The following PREX2 variants were observed in gnomAD, a reference collection of about 807,000 sequenced individuals.
The protein encoded by PREX2 is phosphatidylinositol-3,4,5-trisphosphate dependent Rac exchange factor 2.
In PREX2, 107 loss-of-function variants were observed where a neutral mutation model predicts 203.2. That is an observed-to-expected ratio of 0.53 (90% CI 0.45 to 0.62). The LOEUF is 0.62. Ranked by LOEUF, PREX2 falls within the 20% of genes least tolerant of loss-of-function variation. The probability of loss-of-function intolerance (pLI) is 0.00; values close to 1 mark genes in which losing one functional copy is unlikely to be tolerated. For missense variants in PREX2, 1,777 were observed against 1,955.9 expected (o/e 0.91, Z 1.72); for synonymous variants, 672 against 663.6 (o/e 1.01, Z -0.19).
intron 15 of PREX2, among the ~76,000 whole-genome samples, chr8:68,078,845 A>C (rs1809429566): frequency 6.6e-6 from 1 of 152,194 alleles, no homozygotes; most frequent in Non-Finnish European, 1.5e-5. Context: ...TAAAATATTG[A>C]GTTACATCAA....
At chr8:68,009,348 C>A (rs574328138) in intron 1 of PREX2, among the ~76,000 whole-genome samples, 9 of 152,312 alleles carry the variant, frequency 5.9e-5, no homozygotes, top group Admixed American at 2.0e-4. Flanking sequence ...TTCCCACTTA[C>A]CCTTTTCTTT....
Position 68,118,827 on chromosome 8 carries a change from T to G in PREX2, c.3421+183T>G, listed in dbSNP as rs1337365496. ...GATAGTCTATTTCCCAATCCCATTT[T>G]AAAGGGAGTGAGTTAAAAAGCAATG... On this transcript the variant is annotated intron_variant, in intron 27 of 39. Coordinates refer to ENST00000288368, the MANE Select transcript of PREX2 (RefSeq NM_024870.4). 4.1e-6 allele frequency: 3 copies of G among 733,068 alleles called. No homozygotes were observed. The East Asian group carries it at 7.8e-5, about 19-fold the overall frequency. The allele number at this position is 733,068 out of a possible 1,614,324, so 45.4% of individuals were successfully genotyped here.
intron 1 of PREX2, among the ~76,000 whole-genome samples, chr8:67,959,052 T>C (rs1430718729): frequency 6.6e-6 from 1 of 152,042 alleles, no homozygotes; most frequent in Non-Finnish European, 1.5e-5. Flanking sequence ...AGGAGAGCAA[T>C]TAGAGGAAGA....
chr8:68,105,300 C>T (rs758292566), intron 23 of PREX2: 15 of 1,367,572 alleles, frequency 1.1e-5, no homozygotes, highest in Non-Finnish European at 1.5e-5. Context: ...TGGAAGACAG[C>T]ACTGCATTCC....
In PREX2 at chr8:68,055,872, C is replaced by G; in HGVS notation, c.1136C>G (p.Ser379Cys). Reference sequence around the variant, plus strand: ...GAGCAAGATACCTGGGTCATGATCTCTGAACAGGGTGAGAAACTTTATAAA... The same window carrying G: ...GAGCAAGATACCTGGGTCATGATCTGTGAACAGGGTGAGAAACTTTATAAA... ...GMEQDTWVMI[S>C]EQGEKLYKMM... The change falls in exon 10 of 40, where the codon TCT becomes TGT. Residue 379 changes from serine to cysteine, a missense_variant. Ser to Cys is a moderately radical substitution (Grantham distance 112, BLOSUM62 -1). Coordinates refer to ENST00000288368, the MANE Select transcript of PREX2 (RefSeq NM_024870.4). 1.2e-6 allele frequency: 2 copies of G among 1,613,646 alleles called. No individual in the cohort carries two copies. Among genetic ancestry groups the G allele is most frequent in the Non-Finnish European group, 1.7e-6 (2 of 1,179,718 alleles).
chr8:68,060,823 C>A, intron 11 of PREX2, 44 bp downstream of exon 11: 1 of 1,230,254 alleles, frequency 8.1e-7, no homozygotes, highest in Non-Finnish European at 1.2e-6. Context: ...CATTTATTGG[C>A]CATATGTATC....
In PREX2 at chr8:67,997,959, T is replaced by A. The variant is rs149490111; in HGVS notation, c.142-19887T>A. Among the ~76,000 whole-genome samples, 45 of 152,326 alleles carry A rather than the reference T, an allele frequency of 3.0e-4. 1 individual carries two copies. Among genetic ancestry groups the A allele is most frequent in the Middle Eastern group, 3.4e-3 (1 of 294 alleles). The stretch of plus-strand genomic sequence containing the variant: ...TTTAAGATTTTTATCGTGGTATTTT[T>A]AAAAAGTTTTACCTTCTATTCATTT... On this transcript the variant is annotated intron_variant, in intron 1 of 39. Coordinates refer to ENST00000288368, the MANE Select transcript of PREX2 (RefSeq NM_024870.4).
chr8:68,194,320 T>C (rs991532001), intron 37 of PREX2, among the ~76,000 whole-genome samples: 16 of 152,030 alleles, frequency 1.1e-4, no homozygotes, highest in African/African-American at 2.7e-4. Flanking sequence ...CAAATAAATA[T>C]GTAATGTGGC....
At chr8:68,182,575 C>T (rs954032202) in intron 35 of PREX2, among the ~76,000 whole-genome samples, 7 of 151,940 alleles carry the variant, frequency 4.6e-5, no homozygotes, top group Non-Finnish European at 1.0e-4. Context: ...TAAAATTAAA[C>T]TCTGTAATAC....
chr8:68,052,587 G>A (rs1808554637), intron 8 of PREX2, among the ~76,000 whole-genome samples: 1 of 152,008 alleles, frequency 6.6e-6, no homozygotes, highest in Admixed American at 6.6e-5. Context: ...TCCATTTATT[G>A]CAATTTTAGG....
In PREX2 at chr8:68,017,841, T is replaced by C. The variant is rs1182095834; in HGVS notation, c.142-5T>C. 6.2e-7 allele frequency: 1 copy of C among 1,610,652 alleles called. No homozygotes were observed. The highest frequency in any genetic ancestry group is 2.2e-5 in the East Asian group (1 of 44,644). Reference sequence around the variant, plus strand: ...ACCTTCATAATGTCTTCTTGTTTCATGCAGGCATTCTTACACAGAATGAAC... The same window carrying C: ...ACCTTCATAATGTCTTCTTGTTTCACGCAGGCATTCTTACACAGAATGAAC... On this transcript the variant is annotated splice_polypyrimidine_tract_variant and splice_region_variant and intron_variant, in intron 1 of 39. Transcript: ENST00000288368.
At chr8:67,968,307 G>A (rs914808490) in intron 1 of PREX2, among the ~76,000 whole-genome samples, 1 of 152,102 alleles carries the variant, frequency 6.6e-6, no homozygotes, top group Non-Finnish European at 1.5e-5. Flanking sequence ...GTCGGCTCTT[G>A]ACTAAATTGT....
intron 20 of PREX2, among the ~76,000 whole-genome samples, chr8:68,091,231 A>C (rs1400151530): frequency 6.6e-6 from 1 of 152,258 alleles, no homozygotes; most frequent in Non-Finnish European, 1.5e-5. Flanking sequence ...AGGTAACTGC[A>C]TTTAGGTCTT....
At chr8:67,986,760 G>C (rs1470478476) in intron 1 of PREX2, among the ~76,000 whole-genome samples, 3 of 152,148 alleles carry the variant, frequency 2.0e-5, no homozygotes, top group African/African-American at 7.2e-5. Context: ...GTAAGGCCAA[G>C]AGCTTCAAGT....
intron 37 of PREX2, among the ~76,000 whole-genome samples, chr8:68,213,480 A>G (rs1812779668): frequency 6.6e-6 from 1 of 152,216 alleles, no homozygotes; most frequent in Non-Finnish European, 1.5e-5. Context: ...CAAAGTAGAC[A>G]GGCAAAAAAT....
intron 1 of PREX2, among the ~76,000 whole-genome samples, chr8:67,985,919 T>C (rs1421742714): frequency 6.6e-6 from 1 of 152,054 alleles, no homozygotes; most frequent in Admixed American, 6.6e-5. Flanking sequence ...GACCATGTGG[T>C]TTCTAGCAGG....
chr8:68,141,083 T>A (rs927037196), intron 33 of PREX2, among the ~76,000 whole-genome samples: 16 of 152,104 alleles, frequency 1.1e-4, no homozygotes, highest in African/African-American at 3.9e-4. Flanking sequence ...TAGACACTAA[T>A]GAGAGATACA....
At chr8:68,070,015 A>G in intron 13 of PREX2, 131 bp downstream of exon 13, 1 of 462,744 alleles carries the variant, frequency 2.2e-6, no homozygotes, top group Non-Finnish European at 3.8e-6. Flanking sequence ...TATTATTTTA[A>G]GGAATAATTT....
intron 35 of PREX2, among the ~76,000 whole-genome samples, chr8:68,177,881 C>T (rs1812012785): frequency 6.6e-6 from 1 of 152,158 alleles, no homozygotes; most frequent in African/African-American, 2.4e-5. Context: ...CAAGTGAGAA[C>T]ATGCAGTGTT....
Sources: gnomAD v4.1 joint callset for allele counts (sites outside exome capture counted in the v4.1 genomes callset) on GRCh38, gnomAD v4.1.1 for gene constraint, MANE v1.5 for transcripts, NCBI Gene and HGNC (gene_info 2026-07-23, HGNC 2026-07-21) for gene names.